IQCM: variants seen among roughly 807,000 people sequenced by gnomAD.
The protein encoded by IQCM is IQ motif containing M.
A neutral mutation model predicts 57.6 loss-of-function variants in IQCM; 45 were observed. That is an observed-to-expected ratio of 0.78 (90% CI 0.62 to 1.00). IQCM has a LOEUF of 1.00. Among genes scored for constraint, IQCM ranks in the 50% least tolerant of loss-of-function variants. The pLI is 0.00. For synonymous variants in IQCM, 148 were observed against 158.9 expected (o/e 0.93, Z 0.51); for missense variants, 468 against 511.6 (o/e 0.91, Z 0.82).
chr4:149,517,154 G>A (rs948103933), intron 12 of IQCM, among the ~76,000 whole-genome samples: 6 of 149,198 alleles, frequency 4.0e-5, no homozygotes, highest in East Asian at 2.0e-4. Flanking sequence ...CTGCTGAGGC[G>A]CTTGCTAAAG....
chr4:149,546,382 G>T (rs1430284136), intron 12 of IQCM, among the ~76,000 whole-genome samples: 1 of 152,142 alleles, frequency 6.6e-6, no homozygotes, highest in East Asian at 1.9e-4. Flanking sequence ...CTAGATCCCT[G>T]AGGAATCGCC....
chr4:149,779,985 T>C (rs1425437687), intron 2 of IQCM, among the ~76,000 whole-genome samples: 1 of 152,100 alleles, frequency 6.6e-6, no homozygotes, highest in African/African-American at 2.4e-5. Context: ...ACAGGGAGTA[T>C]GTCATATCAA....
chr4:149,417,319 G>A (rs1024965002), intron 13 of IQCM, among the ~76,000 whole-genome samples: 35 of 152,110 alleles, frequency 2.3e-4, no homozygotes, highest in African/African-American at 8.0e-4. Context: ...AAGCTTGGAG[G>A]AGAGATTCCC....
At chr4:149,455,486 A>T (rs762611166) in intron 12 of IQCM, among the ~76,000 whole-genome samples, 1 of 152,076 alleles carries the variant, frequency 6.6e-6, no homozygotes, top group African/African-American at 2.4e-5. Flanking sequence ...TTTAAACCCC[A>T]TGAAGACATG....
At chr4:149,620,712 G>A (rs1407585840) in intron 8 of IQCM, among the ~76,000 whole-genome samples, 2 of 152,148 alleles carry the variant, frequency 1.3e-5, no homozygotes, top group African/African-American at 4.8e-5. Context: ...CCATCAACAT[G>A]TGGTCATAAA....
intron 12 of IQCM, among the ~76,000 whole-genome samples, chr4:149,440,699 G>A (rs1257609429): frequency 1.3e-5 from 2 of 152,148 alleles, no homozygotes; most frequent in Middle Eastern, 6.8e-3. Context: ...AAACAAGTGA[G>A]AATTTTTCCT....
At chr4:149,773,886 A>C (rs930248764) in intron 2 of IQCM, among the ~76,000 whole-genome samples, 5 of 152,098 alleles carry the variant, frequency 3.3e-5, no homozygotes, top group Non-Finnish European at 1.5e-5. Context: ...TGTTAACTAA[A>C]CCTACAATTG....
Position 149,481,713 on chromosome 4 carries a change from T to G in IQCM, c.1229-48156A>C, listed in dbSNP as rs1282946367. ...TTCTTCCAGTTTTGTTTTTTTTTTTTTTTTTTTTTGCTTTTTGCTTAGGAC... is the reference window on the plus strand; with the variant it reads ...TTCTTCCAGTTTTGTTTTTTTTTTTGTTTTTTTTTGCTTTTTGCTTAGGAC... On this transcript the variant is annotated intron_variant, in intron 12 of 13. Coordinates refer to ENST00000636793, the MANE Select transcript of IQCM (RefSeq NM_001363507.2). 3.6e-5 allele frequency among the ~76,000 whole-genome samples: 5 copies of G among 138,104 alleles called. 1 individual carries two copies. Among genetic ancestry groups the G allele is most frequent in the East Asian group, 2.1e-4 (1 of 4,782 alleles). The allele number at this position is 138,104 out of a possible 152,430, so 90.6% of individuals were successfully genotyped here.
chr4:149,460,258 C>A (rs574740444), intron 12 of IQCM, among the ~76,000 whole-genome samples: 1 of 152,094 alleles, frequency 6.6e-6, no homozygotes, highest in East Asian at 1.9e-4. Flanking sequence ...TCCATTTTTG[C>A]CTTGGGTTGT....
intron 5 of IQCM, among the ~76,000 whole-genome samples, chr4:149,708,558 T>A: frequency 6.6e-6 from 1 of 152,142 alleles, no homozygotes; most frequent in Non-Finnish European, 1.5e-5. Context: ...GAAATAGGGA[T>A]AAAGATATTA....
At chr4:149,777,861 A>T (rs771323982) in intron 2 of IQCM, among the ~76,000 whole-genome samples, 1 of 152,148 alleles carries the variant, frequency 6.6e-6, no homozygotes, top group Non-Finnish European at 1.5e-5. Context: ...TTCATTTCAT[A>T]TATCTCAGAC....
chr4:149,669,822 T>C (rs1050508306), intron 7 of IQCM, among the ~76,000 whole-genome samples: 2 of 152,226 alleles, frequency 1.3e-5, no homozygotes, highest in Non-Finnish European at 2.9e-5. Context: ...CTCTGCTTTG[T>C]TTTGTTGGTC....
At chr4:149,601,423 A>C (rs974687815) in intron 8 of IQCM, among the ~76,000 whole-genome samples, 1 of 152,206 alleles carries the variant, frequency 6.6e-6, no homozygotes, top group African/African-American at 2.4e-5. Flanking sequence ...GAGAAACAGC[A>C]AGAAGAAAAG....
chr4:149,810,968 C>T (rs902502935), intron 2 of IQCM, among the ~76,000 whole-genome samples: 1 of 152,128 alleles, frequency 6.6e-6, no homozygotes, highest in Admixed American at 6.6e-5. Context: ...CTGAACCCTG[C>T]TATAGCTGTC....
chr4:149,679,897 T>C (rs1033259649), intron 7 of IQCM, among the ~76,000 whole-genome samples: 2 of 151,328 alleles, frequency 1.3e-5, no homozygotes, highest in Non-Finnish European at 3.0e-5. Flanking sequence ...ACAAAAAAAT[T>C]AACAACCATA....
chr4:149,781,161 G>A (rs540019414), intron 2 of IQCM, among the ~76,000 whole-genome samples: 2 of 152,284 alleles, frequency 1.3e-5, no homozygotes, highest in Non-Finnish European at 2.9e-5. Context: ...TGATGAAGTT[G>A]TAGCTTCAAT....
chr4:149,555,309 C>G (rs1437673537), intron 10 of IQCM, among the ~76,000 whole-genome samples: 1 of 152,172 alleles, frequency 6.6e-6, no homozygotes. Context: ...GAACTCACTT[C>G]CCACAATTTG....
intron 13 of IQCM, among the ~76,000 whole-genome samples, chr4:149,400,339 T>C (rs1732530331): frequency 6.6e-6 from 1 of 151,902 alleles, no homozygotes; most frequent in African/African-American, 2.4e-5. Flanking sequence ...GCCTTAAAAG[T>C]TAAAGGTGAA....
intron 3 of IQCM, among the ~76,000 whole-genome samples, chr4:149,737,052 T>C (rs1408900168): frequency 6.6e-6 from 1 of 152,174 alleles, no homozygotes; most frequent in Middle Eastern, 3.2e-3. Context: ...TTCAAAAATA[T>C]TATGCCAAGT....
Sources: gnomAD v4.1 joint callset for allele counts (sites outside exome capture counted in the v4.1 genomes callset) on GRCh38, gnomAD v4.1.1 for gene constraint, MANE v1.5 for transcripts, NCBI Gene and HGNC (gene_info 2026-07-23, HGNC 2026-07-21) for gene names.